The following DNAJB8 variants were observed in gnomAD, a reference collection of about 807,000 sequenced individuals.
The protein encoded by DNAJB8 is dnaJ homolog subfamily B member 8.
For synonymous variants in DNAJB8, 127 were observed against 127.1 expected, an observed-to-expected ratio of 1.00 and a Z score of 0.00; for missense variants, 354 against 318.9, an observed-to-expected ratio of 1.11 and a Z score of -0.84.
rs1348943166 is a variant in DNAJB8, at chr3:128,466,651, G to A, written c.-1064C>T. The A allele has an allele frequency of 4.6e-5, 7 of 152,238 alleles. No homozygotes were observed. Among genetic ancestry groups the A allele is most frequent in the Admixed American group, 1.3e-4 (2 of 15,284 alleles). 9.4% of individuals were successfully genotyped at this position (152,238 alleles called of 1,614,324 possible). On this transcript the variant is annotated 5_prime_UTR_variant, in exon 1 of 3. Transcript: ENST00000319153. Reference sequence around the variant, plus strand: ...CTCCTTGCATCCTGGAGAAATCTGAGGGATTTTCCAGAATCCCATCACCGG... The same window carrying A: ...CTCCTTGCATCCTGGAGAAATCTGAAGGATTTTCCAGAATCCCATCACCGG...
chr3:128,463,326 G>C lies in DNAJB8; in HGVS notation c.-81C>G. On this transcript the variant is annotated 5_prime_UTR_variant, in exon 3 of 3. Coordinates refer to ENST00000319153, the MANE Select transcript of DNAJB8 (RefSeq NM_153330.6). Reference sequence around the variant, plus strand: ...CCCAGCTGGTCAGATGGACGGGGGAGAAGTGGCCGGTGGTCTGGGGCCCTT... The same window carrying C: ...CCCAGCTGGTCAGATGGACGGGGGACAAGTGGCCGGTGGTCTGGGGCCCTT... 4 of 1,319,646 alleles carry C rather than the reference G, an allele frequency of 3.0e-6. No homozygotes were observed. The highest frequency in any genetic ancestry group is 4.2e-6 in the Non-Finnish European group (4 of 951,670). 81.7% of individuals were successfully genotyped at this position (1,319,646 alleles called of 1,614,324 possible).
chr3:128,466,268 G>C (rs1393721214), intron 1 of DNAJB8: 1 of 152,262 alleles, frequency 6.6e-6, no homozygotes, highest in African/African-American at 2.4e-5. Flanking sequence ...AGGAAGAGAG[G>C]CCTGAGATTC....
At chr3:128,466,207 A>T (rs1336216094) in intron 1 of DNAJB8, 2 of 152,268 alleles carry the variant, frequency 1.3e-5, no homozygotes, top group Non-Finnish European at 2.9e-5. Context: ...GCCAGTATCC[A>T]TGGGGCAAAG....
Position 128,466,600 on chromosome 3 carries a change from G to A in DNAJB8, c.-1027+14C>T, listed in dbSNP as rs1241480669. On this transcript the variant is annotated intron_variant, in intron 1 of 2. Coordinates refer to ENST00000319153, the MANE Select transcript of DNAJB8 (RefSeq NM_153330.6). Reference sequence around the variant, plus strand: ...GCTCTGTATTTTCTGTTGCTAACTTGGCATTACACCAACCTCTTCCATGGT... The same window carrying A: ...GCTCTGTATTTTCTGTTGCTAACTTAGCATTACACCAACCTCTTCCATGGT... 2 of 152,308 alleles carry A rather than the reference G, an allele frequency of 1.3e-5. No individual in the cohort carries two copies. Among genetic ancestry groups the A allele is most frequent in the Non-Finnish European group, 2.9e-5 (2 of 68,042 alleles). The allele number at this position is 152,308 out of a possible 1,614,324, so 9.4% of individuals were successfully genotyped here.
chr3:128,463,629 C>G lies in DNAJB8; in HGVS notation c.-384G>C, dbSNP rs995367934. Reference sequence around the variant, plus strand: ...GCCCCTGCTGGTGAGGTGGCCACAACGGTGTGTGGGAATGGGATGCTCTGT... The same window carrying G: ...GCCCCTGCTGGTGAGGTGGCCACAAGGGTGTGTGGGAATGGGATGCTCTGT... On this transcript the variant is annotated 5_prime_UTR_variant, in exon 3 of 3. Transcript: ENST00000319153. 2 of 183,230 alleles carry G rather than the reference C, an allele frequency of 1.1e-5. No individual in the cohort carries two copies. The highest frequency in any genetic ancestry group is 4.8e-5 in the African/African-American group (2 of 41,790). The allele number at this position is 183,230 out of a possible 1,614,324, so 11.4% of individuals were successfully genotyped here. A position where few individuals can be genotyped will look rare whatever the true frequency, so the allele number is the denominator to read the frequency against.
Position 128,463,438 on chromosome 3 carries a change from G to A in DNAJB8, c.-193C>T. The A allele has an allele frequency of 3.6e-6, 2 of 553,934 alleles. No homozygotes were observed. Among genetic ancestry groups the A allele is most frequent in the East Asian group, 6.0e-5 (2 of 33,454 alleles). The allele number at this position is 553,934 out of a possible 1,614,324, so 34.3% of individuals were successfully genotyped here. On this transcript the variant is annotated 5_prime_UTR_variant, in exon 3 of 3. It introduces an in-frame stop codon into an upstream open reading frame of the 5' UTR. Coordinates refer to ENST00000319153, the MANE Select transcript of DNAJB8 (RefSeq NM_153330.6). ...TTCGTAGTACCAATTCTCAGGGACT[G>A]GAGGGGCCCCCACTGAGAGGAGTGG...
At position 128,463,203 on chromosome 3, in the gene DNAJB8, A is replaced by G; in HGVS notation, c.43T>C (p.Ser15Pro). 2 of 1,613,894 alleles carry G rather than the reference A, an allele frequency of 1.2e-6. No individual in the cohort carries two copies. The highest frequency in any genetic ancestry group is 1.7e-6 in the Non-Finnish European group (2 of 1,179,958). ...YEVLGVQASA[S>P]PEDIKKAYRK... ...TAGGCTTTCTTGATGTCCTCCGGGGAAGCGCTGGCCTGCACGCCCAGCACT... is the reference window on the plus strand; with the variant it reads ...TAGGCTTTCTTGATGTCCTCCGGGGGAGCGCTGGCCTGCACGCCCAGCACT... The change falls in exon 3 of 3, where the codon TCC becomes CCC. Residue 15 changes from serine to proline, a missense_variant. Ser to Pro is a moderately conservative substitution (Grantham distance 74, BLOSUM62 -1). Transcript: ENST00000319153.
chr3:128,464,755 G>T (rs373451594), intron 2 of DNAJB8, among the ~76,000 whole-genome samples: 4 of 150,752 alleles, frequency 2.7e-5, no homozygotes, highest in South Asian at 2.1e-4. Flanking sequence ...CTTCCTGCCT[G>T]CCTTCTTTCC....
In DNAJB8 at chr3:128,462,463, C is replaced by T; in HGVS notation, c.*84G>A. The T allele has an allele frequency of 1.4e-6, 2 of 1,413,366 alleles. No homozygotes were observed. Among genetic ancestry groups the T allele is most frequent in the Non-Finnish European group, 1.9e-6 (2 of 1,037,432 alleles). The allele number at this position is 1,413,366 out of a possible 1,614,324, so 87.6% of individuals were successfully genotyped here. Reference sequence around the variant, plus strand: ...GAACTCACTTGGCACATTTATTAACCATCAGGCTATGTCTGCGGCCCCACG... The same window carrying T: ...GAACTCACTTGGCACATTTATTAACTATCAGGCTATGTCTGCGGCCCCACG... On this transcript the variant is annotated 3_prime_UTR_variant, in exon 3 of 3. Transcript: ENST00000319153.
intron 2 of DNAJB8, among the ~76,000 whole-genome samples, chr3:128,464,980 G>A (rs2068501513): frequency 7.3e-6 from 1 of 136,074 alleles, no homozygotes; most frequent in Non-Finnish European, 1.6e-5. Context: ...TTCACTCCTG[G>A]CTTCTTTCCT....
At position 128,464,126 on chromosome 3, in the gene DNAJB8, G is replaced by A. The variant is rs1365349119; in HGVS notation, c.-865-16C>T. On this transcript the variant is annotated splice_polypyrimidine_tract_variant and intron_variant, in intron 2 of 2. Coordinates refer to ENST00000319153, the MANE Select transcript of DNAJB8 (RefSeq NM_153330.6). The stretch of plus-strand genomic sequence containing the variant: ...CCACTCAATTCTGGTAAGAAAAATA[G>A]GAATTGATGATAAATATTGATTACT... The A allele has an allele frequency of 1.3e-5, 2 of 155,498 alleles. No homozygotes were observed. The highest frequency in any genetic ancestry group is 4.8e-5 in the African/African-American group (2 of 41,466). 9.6% of individuals were successfully genotyped at this position (155,498 alleles called of 1,614,324 possible). A position where few individuals can be genotyped will look rare whatever the true frequency, so the allele number is the denominator to read the frequency against.
Position 128,462,453 on chromosome 3 carries a change from AT to A in DNAJB8, c.*93del. 7.3e-7 allele frequency: 1 copy of A among 1,369,208 alleles called. No homozygotes were observed. Among genetic ancestry groups the A allele is most frequent in the Non-Finnish European group, 1.0e-6 (1 of 1,002,098 alleles). 84.8% of individuals were successfully genotyped at this position (1,369,208 alleles called of 1,614,324 possible). A position where few individuals can be genotyped will look rare whatever the true frequency, so the allele number is the denominator to read the frequency against. On this transcript the variant is annotated 3_prime_UTR_variant, in exon 3 of 3. Coordinates refer to ENST00000319153, the MANE Select transcript of DNAJB8 (RefSeq NM_153330.6). ...GCTATGCCATGAACTCACTTGGCAC[AT>A]TTATTAACCATCAGGCTATGTCTGC...
chr3:128,462,739 G>A lies in DNAJB8; in HGVS notation c.507C>T (p.Phe169=), dbSNP rs118145329. ...CCGAGCTGCCAGAACTGGAGCCCCC[G>A]AAGGAGGTGGATGAGAAGGTGGTGT... ...GSHTTFSSTS[F]GGSSSGSSGF... The change falls in exon 3 of 3, where the codon TTC becomes TTT. Residue 169 remains phenylalanine, a synonymous_variant. Transcript: ENST00000319153. 4,528 of 1,614,080 alleles carry A rather than the reference G, an allele frequency of 2.8e-3. 75 individuals carry two copies. In the Admixed American group the frequency reaches 0.04, roughly 14 times the overall value.
Position 128,463,294 on chromosome 3 carries a change from G to T in DNAJB8, c.-49C>A, listed in dbSNP as rs772123181. On this transcript the variant is annotated 5_prime_UTR_variant, in exon 3 of 3. Coordinates refer to ENST00000319153, the MANE Select transcript of DNAJB8 (RefSeq NM_153330.6). ...GAGGGAACGTGGAGGCCAGGTGGGC[G>T]CAGGGGCCCAGCTGGTCAGATGGAC... 4.6e-6 allele frequency: 7 copies of T among 1,524,918 alleles called. No homozygotes were observed. The highest frequency in any genetic ancestry group is 1.8e-5 in the Admixed American group (1 of 54,758). 94.5% of individuals were successfully genotyped at this position (1,524,918 alleles called of 1,614,324 possible).
In DNAJB8 at chr3:128,466,610, C is replaced by T. The variant is rs2068515514; in HGVS notation, c.-1027+4G>A. Reference sequence around the variant, plus strand: ...TTCTGTTGCTAACTTGGCATTACACCAACCTCTTCCATGGTCTCCTTGCAT... The same window carrying T: ...TTCTGTTGCTAACTTGGCATTACACTAACCTCTTCCATGGTCTCCTTGCAT... On this transcript the variant is annotated splice_donor_region_variant and intron_variant, in intron 1 of 2. Transcript: ENST00000319153. 6.6e-6 allele frequency: 1 copy of T among 152,262 alleles called. No individual in the cohort carries two copies. The highest frequency in any genetic ancestry group is 1.5e-5 in the Non-Finnish European group (1 of 68,034). 9.4% of individuals were successfully genotyped at this position (152,262 alleles called of 1,614,324 possible). A position where few individuals can be genotyped will look rare whatever the true frequency, so the allele number is the denominator to read the frequency against.
rs887733308 is a variant in DNAJB8, at chr3:128,464,069, G to T, written c.-824C>A. ...GAGGGGATGTGAAACCAGGGCCAAG[G>T]CTGCAGCGGACAGCAAATCCAAAGA... is the stretch of plus-strand genomic sequence containing the variant. On this transcript the variant is annotated 5_prime_UTR_variant, in exon 3 of 3. Transcript: ENST00000319153. The T allele has an allele frequency of 6.1e-6, 1 of 165,194 alleles. No homozygotes were observed. The highest frequency in any genetic ancestry group is 2.4e-5 in the African/African-American group (1 of 41,442). 10.2% of individuals were successfully genotyped at this position (165,194 alleles called of 1,614,324 possible).
At chr3:128,465,860 G>A (rs2068509088) in intron 1 of DNAJB8, 1 of 152,464 alleles carries the variant, frequency 6.6e-6, no homozygotes, top group South Asian at 2.1e-4. Flanking sequence ...TGGTGTGGTT[G>A]GCAGTGGTGA....
intron 2 of DNAJB8, among the ~76,000 whole-genome samples, chr3:128,464,753 C>T (rs573263863): frequency 6.6e-6 from 1 of 152,112 alleles, no homozygotes; most frequent in Admixed American, 6.5e-5. Flanking sequence ...GCCTTCCTGC[C>T]TGCCTTCTTT....
Position 128,462,920 on chromosome 3 carries a change from G to A in DNAJB8, c.326C>T (p.Pro109Leu), listed in dbSNP as rs1400915689. ...GCTGTCCCAGAACTCAAAGGAGAAAGGGTCCAGGCCACCAAAAAACTCCCG... is the reference window on the plus strand; with the variant it reads ...GCTGTCCCAGAACTCAAAGGAGAAAAGGTCCAGGCCACCAAAAAACTCCCG... ...IFREFFGGLD[P>L]FSFEFWDSPF... The change falls in exon 3 of 3, where the codon CCT (proline) becomes CTT (leucine). Residue 109 changes from proline (P) to leucine (L), a missense_variant. Coordinates refer to ENST00000319153, the MANE Select transcript of DNAJB8 (RefSeq NM_153330.6). 3 of 1,613,988 alleles carry A rather than the reference G, an allele frequency of 1.9e-6. No individual in the cohort carries two copies. In the African/African-American group the frequency reaches 4.0e-5, roughly 22 times the overall value.
Sources: gnomAD v4.1 joint callset for allele counts (sites outside exome capture counted in the v4.1 genomes callset) on GRCh38, gnomAD v4.1.1 for gene constraint, MANE v1.5 for transcripts, NCBI Gene and HGNC (gene_info 2026-07-23, HGNC 2026-07-21) for gene names.